The following PTPRT variants were observed in gnomAD, a reference collection of about 807,000 sequenced individuals.
PTPRT encodes the protein receptor-type tyrosine-protein phosphatase T.
PTPRT carries 56 observed loss-of-function variants against 176.8 expected under a neutral mutation model. The ratio of observed to expected loss-of-function variants is 0.32; its 90% CI spans 0.26 to 0.40. The LOEUF is 0.40. Among genes scored for constraint, PTPRT ranks in the 10% least tolerant of loss-of-function variants. The pLI is 1.00. For synonymous variants in PTPRT, 783 were observed against 739.0 expected (o/e 1.06, Z -0.96); for missense variants, 1,540 against 1,908.2 (o/e 0.81, Z 3.60).
intron 9 of PTPRT, among the ~76,000 whole-genome samples, chr20:42,410,871 T>C (rs1016947236): frequency 3.3e-5 from 5 of 152,184 alleles, no homozygotes; most frequent in Admixed American, 6.5e-5. Context: ...ATTGAATTGA[T>C]TGAAAACTAA....
At chr20:42,536,490 C>T (rs2072478693) in intron 7 of PTPRT, among the ~76,000 whole-genome samples, 2 of 152,154 alleles carry the variant, frequency 1.3e-5, no homozygotes, top group Admixed American at 1.3e-4. Flanking sequence ...TACCGTAGCA[C>T]ATTTGTCAGG....
intron 2 of PTPRT, among the ~76,000 whole-genome samples, chr20:42,794,186 G>A (rs1005465147): frequency 6.6e-6 from 1 of 152,172 alleles, no homozygotes; most frequent in Non-Finnish European, 1.5e-5. Flanking sequence ...CACACAGCTA[G>A]ACTATGTCTT....
chr20:42,313,192 C>T (rs2057662513), intron 12 of PTPRT, among the ~76,000 whole-genome samples: 1 of 152,154 alleles, frequency 6.6e-6, no homozygotes, highest in Non-Finnish European at 1.5e-5. Context: ...GGAAGTTACC[C>T]TATATGGTCT....
chr20:43,088,675 GC>G (rs1231027131), intron 1 of PTPRT, among the ~76,000 whole-genome samples: 1 of 152,092 alleles, frequency 6.6e-6, no homozygotes, highest in Admixed American at 6.5e-5. Context: ...CAAACCCTCT[GC>G]CCAACCCATC....
intron 9 of PTPRT, among the ~76,000 whole-genome samples, chr20:42,409,504 A>C (rs1285786150): frequency 3.3e-5 from 1 of 30,218 alleles, no homozygotes; most frequent in East Asian, 6.6e-4. Flanking sequence ...AAAAAAAAAA[A>C]AAAAAAAAAA....
At chr20:43,063,545 A>C (rs1051916491) in intron 1 of PTPRT, 1 of 152,122 alleles carries the variant, frequency 6.6e-6, no homozygotes, top group African/African-American at 2.4e-5. Context: ...CGCTCCCCTG[A>C]TAGAACCTCC....
At chr20:42,086,745 A>ATATATATATATAT (rs1568913226) in intron 27 of PTPRT, among the ~76,000 whole-genome samples, 3 of 45,994 alleles carry the variant, frequency 6.5e-5, no homozygotes, top group African/African-American at 1.8e-4. Flanking sequence ...AAAAAAAAAA[A>ATATATATATATAT]AAAAAAAAAT....
At chr20:42,652,444 T>A (rs2075049646) in intron 7 of PTPRT, among the ~76,000 whole-genome samples, 1 of 152,048 alleles carries the variant, frequency 6.6e-6, no homozygotes, top group African/African-American at 2.4e-5. Context: ...CGAAGCAGGG[T>A]GTTGTAACTT....
intron 9 of PTPRT, among the ~76,000 whole-genome samples, chr20:42,405,416 C>A (rs2058951810): frequency 6.6e-6 from 1 of 152,080 alleles, no homozygotes; most frequent in Admixed American, 6.6e-5. Context: ...TTGTTCAATT[C>A]CCACCTATGA....
At chr20:42,399,552 C>T (rs941142335) in intron 9 of PTPRT, among the ~76,000 whole-genome samples, 1 of 152,192 alleles carries the variant, frequency 6.6e-6, no homozygotes, top group African/African-American at 2.4e-5. Flanking sequence ...ATTCTGATTT[C>T]AATGGGATAG....
intron 2 of PTPRT, among the ~76,000 whole-genome samples, chr20:42,794,156 C>A (rs1203999024): frequency 6.6e-6 from 1 of 152,188 alleles, no homozygotes; most frequent in Middle Eastern, 3.2e-3. Context: ...TCATGCACAA[C>A]CCTGTAACAT....
intron 6 of PTPRT, among the ~76,000 whole-genome samples, chr20:42,728,315 T>C (rs1224888381): frequency 6.6e-6 from 1 of 152,182 alleles, no homozygotes; most frequent in African/African-American, 2.4e-5. Context: ...CCGGAGAATT[T>C]ACATTTCTGA....
chr20:42,720,713 T>C (rs2146229667), intron 6 of PTPRT, among the ~76,000 whole-genome samples: 1 of 152,292 alleles, frequency 6.6e-6, no homozygotes, highest in Admixed American at 6.5e-5. Flanking sequence ...CTTTCCTGAG[T>C]ATGCAGAATT....
Position 42,724,972 on chromosome 20 carries a change from C to T in PTPRT, c.859+31490G>A, listed in dbSNP as rs180868085. ...ATCCCTTCTGCTATGTGAGAGAATA[C>T]ATTCATAGATTCTTGACAGCAGGAT... On this transcript the variant is annotated intron_variant, in intron 6 of 30. Transcript: ENST00000373187. Among the ~76,000 whole-genome samples the T allele has an allele frequency of 8.6e-5, 13 of 151,750 alleles. No individual in the cohort carries two copies. In the East Asian group the frequency reaches 2.1e-3, roughly 25 times the overall value.
At chr20:42,389,388 G>A (rs1181176232) in intron 9 of PTPRT, among the ~76,000 whole-genome samples, 2 of 152,154 alleles carry the variant, frequency 1.3e-5, no homozygotes, top group Non-Finnish European at 2.9e-5. Context: ...CACATCACAT[G>A]TTGAGAGACA....
chr20:42,937,736 A>G (rs1980283487), intron 1 of PTPRT, among the ~76,000 whole-genome samples: 1 of 152,206 alleles, frequency 6.6e-6, no homozygotes, highest in Non-Finnish European at 1.5e-5. Flanking sequence ...ACACTTGGTA[A>G]AAGTGTTTTT....
chr20:42,557,015 C>T (rs2072872443), intron 7 of PTPRT, among the ~76,000 whole-genome samples: 3 of 152,106 alleles, frequency 2.0e-5, no homozygotes, highest in Non-Finnish European at 4.4e-5. Flanking sequence ...TTGCCAGACA[C>T]TTTTCGCTAC....
At chr20:42,777,755 C>T (rs2145488468) in intron 4 of PTPRT, among the ~76,000 whole-genome samples, 1 of 152,260 alleles carries the variant, frequency 6.6e-6, no homozygotes, top group East Asian at 1.9e-4. Context: ...AGCACTGGTC[C>T]TTAGGAAAGG....
chr20:42,421,543 AC>A (rs1240862036), intron 9 of PTPRT, among the ~76,000 whole-genome samples: 1 of 151,976 alleles, frequency 6.6e-6, no homozygotes. Flanking sequence ...TGATGGGCTG[AC>A]AGGGTGTGTG....
Sources: allele counts gnomAD v4.1 joint callset (sites outside exome capture counted in the v4.1 genomes callset), GRCh38; gene constraint gnomAD v4.1.1; transcripts MANE v1.5; gene names NCBI Gene and HGNC (gene_info 2026-07-23, HGNC 2026-07-21).